NUDT3: variants seen among roughly 807,000 people sequenced by gnomAD.
The protein encoded by NUDT3 is nudix hydrolase 3, also known as diphosphoinositol polyphosphate phosphohydrolase 1.
NUDT3 carries 9 observed loss-of-function variants against 23.6 expected under a neutral mutation model. That is an observed-to-expected ratio of 0.38 (90% confidence interval 0.23 to 0.66). The LOEUF (loss-of-function observed/expected upper bound fraction) is 0.66. Ranked by LOEUF, NUDT3 falls within the 30% of genes least tolerant of loss-of-function variation. NUDT3 has a pLI of 0.52. For synonymous variants in NUDT3, 86 were observed against 82.6 expected (o/e 1.04, Z -0.22); for missense variants, 172 against 218.5 (o/e 0.79, Z 1.34).
At chr6:34,365,770 C>T (rs1240664884) in intron 1 of NUDT3, among the ~76,000 whole-genome samples, 1 of 151,810 alleles carries the variant, frequency 6.6e-6, no homozygotes, top group South Asian at 2.1e-4. Context: ...AGGCCGGGTA[C>T]GGGGCTCACG....
rs1239332905 is a variant in NUDT3 at position 34,288,658 on chromosome 6, G to A, written c.*95C>T. On this transcript the variant is annotated 3_prime_UTR_variant, in exon 5 of 5. Transcript: ENST00000607016. ...GCCCACCATGCCTTATTTGAAAGAG[G>A]AGGCCTGTGAGAAGTGGAAAGAGCC... 3 of 1,465,518 alleles carry A rather than the reference G, an allele frequency of 2.0e-6. No individual in the cohort carries two copies. Among genetic ancestry groups the A allele is most frequent in the Middle Eastern group, 2.0e-4 (1 of 4,992 alleles). The allele number at this position is 1,465,518 out of a possible 1,614,324, so 90.8% of individuals were successfully genotyped here. A position where few individuals can be genotyped will look rare whatever the true frequency, so the allele number is the denominator to read the frequency against.
At chr6:34,294,595 G>A (rs775545270) in intron 3 of NUDT3, among the ~76,000 whole-genome samples, 2 of 151,892 alleles carry the variant, frequency 1.3e-5, no homozygotes, top group Non-Finnish European at 2.9e-5. Context: ...ATGTGGTGGC[G>A]GGCACTTGTA....
At chr6:34,343,840 ATATT>A (rs1268120722) in intron 1 of NUDT3, among the ~76,000 whole-genome samples, 7 of 152,232 alleles carry the variant, frequency 4.6e-5, no homozygotes, top group African/African-American at 9.6e-5. Flanking sequence ...TGCAAATTAT[ATATT>A]TAATACAGGT....
chr6:34,365,320 TCAGGAGACTGAGG>T (rs1764710235), intron 1 of NUDT3, among the ~76,000 whole-genome samples: 1 of 151,950 alleles, frequency 6.6e-6, no homozygotes, highest in African/African-American at 2.4e-5. Flanking sequence ...TCCTAGCTAC[TCAGGAGACTGAGG>T]CAGGAGAATC....
intron 1 of NUDT3, among the ~76,000 whole-genome samples, chr6:34,380,932 G>A (rs1581902087): frequency 6.6e-6 from 1 of 152,256 alleles, no homozygotes; most frequent in Non-Finnish European, 1.5e-5. Context: ...AGTCATCCCT[G>A]ACACTCTAGC....
chr6:34,322,143 G>A (rs1206793051), intron 2 of NUDT3, among the ~76,000 whole-genome samples: 3 of 152,226 alleles, frequency 2.0e-5, no homozygotes, highest in South Asian at 2.1e-4. Context: ...TGGAAATACA[G>A]AGGATGGGGA....
At chr6:34,325,248 A>G (rs187591186) in intron 2 of NUDT3, among the ~76,000 whole-genome samples, 1 of 151,854 alleles carries the variant, frequency 6.6e-6, no homozygotes, top group East Asian at 1.9e-4. Flanking sequence ...TTTCTTTTTT[A>G]AAGAGACAGG....
chr6:34,287,837 T>G lies in NUDT3; in HGVS notation c.*916A>C, dbSNP rs1204980858. The stretch of plus-strand genomic sequence containing the variant: ...ATGCTCCAGTTTTTTAGATAAGTAA[T>G]CCCAAGAATCCAGTTCCAACTCTAC... On this transcript the variant is annotated 3_prime_UTR_variant, in exon 5 of 5. Transcript: ENST00000607016. The G allele has an allele frequency of 6.6e-6, 1 of 152,074 alleles. No homozygotes were observed. The highest frequency in any genetic ancestry group is 2.4e-5 in the African/African-American group (1 of 41,382). 9.4% of individuals were successfully genotyped at this position (152,074 alleles called of 1,614,324 possible).
In NUDT3 at chr6:34,285,019, G is replaced by C. The variant is rs1348597170; in HGVS notation, c.*3734C>G. On this transcript the variant is annotated 3_prime_UTR_variant, in exon 5 of 5. Coordinates refer to ENST00000607016, the MANE Select transcript of NUDT3 (RefSeq NM_006703.4). The stretch of plus-strand genomic sequence containing the variant: ...GCTGTGCAGTGCAATGCAGAAGGCG[G>C]AAATCCTGCTGTGACGCCACCCTCG... 2 of 152,218 alleles carry C rather than the reference G, an allele frequency of 1.3e-5. No individual in the cohort carries two copies. The highest frequency in any genetic ancestry group is 4.8e-5 in the African/African-American group (2 of 41,406). The allele number at this position is 152,218 out of a possible 1,614,324, so 9.4% of individuals were successfully genotyped here.
rs187468274 is a variant in NUDT3 at position 34,311,053 on chromosome 6, G to C, written c.211-15368C>G. ...AGGAAGACTTCCTCAATTTGATACA[G>C]AGTAAGTACAAAAAACTATCGCTAA... On this transcript the variant is annotated intron_variant, in intron 2 of 4. Transcript: ENST00000607016. Among the ~76,000 whole-genome samples, 48 of 150,048 alleles carry C rather than the reference G, an allele frequency of 3.2e-4. No individual in the cohort carries two copies. The East Asian group carries it at 8.2e-3, about 25-fold the overall frequency.
At chr6:34,337,308 T>A (rs532226924) in intron 2 of NUDT3, among the ~76,000 whole-genome samples, 1 of 152,282 alleles carries the variant, frequency 6.6e-6, no homozygotes, top group East Asian at 1.9e-4. Flanking sequence ...AGGCAGAGCA[T>A]GCCTGCAGTC....
chr6:34,308,308 T>A (rs1352366851), intron 2 of NUDT3, among the ~76,000 whole-genome samples: 1 of 151,450 alleles, frequency 6.6e-6, no homozygotes, highest in Non-Finnish European at 1.5e-5. Context: ...AAATAAATAA[T>A]TAGCTAGGCA....
At chr6:34,321,186 C>T (rs113309131) in intron 2 of NUDT3, among the ~76,000 whole-genome samples, 2,362 of 152,116 alleles carry the variant, frequency 0.016, 24 homozygotes, top group Non-Finnish European at 0.024. Flanking sequence ...GCATGTGAAC[C>T]TAGCACTCTG....
chr6:34,299,881 T>A (rs1045530643), intron 2 of NUDT3, among the ~76,000 whole-genome samples: 4 of 150,428 alleles, frequency 2.7e-5, no homozygotes, highest in Non-Finnish European at 5.9e-5. Context: ...CCAGCCTGGG[T>A]GACACAGTGA....
At chr6:34,309,162 C>CT (rs1363971213) in intron 2 of NUDT3, among the ~76,000 whole-genome samples, 1 of 152,108 alleles carries the variant, frequency 6.6e-6, no homozygotes, top group Non-Finnish European at 1.5e-5. Flanking sequence ...GGGAGGATCA[C>CT]TTGAGCTCAG....
rs142944928 is a variant in NUDT3, at chr6:34,375,936, C to T, written c.99+16328G>A. ...GCTTTTATGACAGTGCTTCGAGTGC[C>T]ATGATGCCCCAAGCTCAGGCCCTAC... On this transcript the variant is annotated intron_variant, in intron 1 of 4. Coordinates refer to ENST00000607016, the MANE Select transcript of NUDT3 (RefSeq NM_006703.4). Among the ~76,000 whole-genome samples the T allele has an allele frequency of 9.2e-3, 1,395 of 152,254 alleles. 13 individuals carry two copies. Among genetic ancestry groups the T allele is most frequent in the Middle Eastern group, 0.024 (7 of 294 alleles).
chr6:34,367,338 C>T (rs1203116583), intron 1 of NUDT3, among the ~76,000 whole-genome samples: 2 of 151,722 alleles, frequency 1.3e-5, no homozygotes, highest in East Asian at 2.0e-4. Flanking sequence ...AAAAATTAGC[C>T]GGGTGTGGTG....
In NUDT3 at chr6:34,293,488, A is replaced by G. The variant is rs754190559; in HGVS notation, c.303T>C (p.Thr101=). 3 of 1,614,214 alleles carry G rather than the reference A, an allele frequency of 1.9e-6. No individual in the cohort carries two copies. In the South Asian group the frequency reaches 3.3e-5, roughly 18 times the overall value. The change falls in exon 4 of 5, where the codon ACT becomes ACC. Residue 101 remains threonine (T), a synonymous_variant. Transcript: ENST00000607016. ...HRTYVYVLIV[T]EVLEDWEDSV... Reference sequence around the variant, plus strand: ...AATCTTCCCAGTCTTCCAGCACTTCAGTGACAATGAGCACATAGACATACG... The same window carrying G: ...AATCTTCCCAGTCTTCCAGCACTTCGGTGACAATGAGCACATAGACATACG...
At chr6:34,325,522 G>T (rs16888452) in intron 2 of NUDT3, among the ~76,000 whole-genome samples, 16,264 of 152,206 alleles carry the variant, frequency 0.11, 932 homozygotes, top group Non-Finnish European at 0.12. Flanking sequence ...AAATTATTTT[G>T]CTAAGGATAA....
Sources: gnomAD v4.1 joint callset for allele counts (sites outside exome capture counted in the v4.1 genomes callset) on GRCh38, gnomAD v4.1.1 for gene constraint, MANE v1.5 for transcripts, NCBI Gene and HGNC (gene_info 2026-07-23, HGNC 2026-07-21) for gene names.